Variants in PLA2G12B observed in about 807,000 individuals in gnomAD.
The protein encoded by PLA2G12B is group XIIB secretory phospholipase A2-like protein.
In PLA2G12B, 19 loss-of-function variants were observed where a neutral mutation model predicts 22.3. The ratio of observed to expected loss-of-function variants is 0.85; its 90% CI spans 0.60 to 1.25. The LOEUF (loss-of-function observed/expected upper bound fraction) is 1.25, where lower values mean the gene tolerates loss of function less well. Among genes scored for constraint, PLA2G12B ranks in the 50% most tolerant of loss-of-function variants. PLA2G12B has a pLI of 0.00. For synonymous variants in PLA2G12B, 81 were observed against 94.9 expected (o/e 0.85, Z 0.85); for missense variants, 191 against 246.6 (o/e 0.77, Z 1.51).
intron 1 of PLA2G12B, among the ~76,000 whole-genome samples, chr10:72,949,746 G>T (rs1437540988): frequency 2.0e-5 from 3 of 152,144 alleles, no homozygotes; most frequent in African/African-American, 4.8e-5. Flanking sequence ...AGGAGGCCCA[G>T]CAGGGGGATC....
Position 72,935,831 on chromosome 10 carries a change from A to G in PLA2G12B, c.467-93T>C. 3 of 1,426,566 alleles carry G rather than the reference A, an allele frequency of 2.1e-6. No homozygotes were observed. In the East Asian group the frequency reaches 7.1e-5, roughly 34 times the overall value. 88.4% of individuals were successfully genotyped at this position (1,426,566 alleles called of 1,614,324 possible). A position where few individuals can be genotyped will look rare whatever the true frequency, so the allele number is the denominator to read the frequency against. On this transcript the variant is annotated intron_variant, in intron 3 of 3. Coordinates refer to ENST00000373032, the MANE Select transcript of PLA2G12B (RefSeq NM_032562.5). ...ACATGATACCCAGAGGAAAGTAGAGACAGTAATCCAAATACAGAATTCAAA... is the reference window on the plus strand; with the variant it reads ...ACATGATACCCAGAGGAAAGTAGAGGCAGTAATCCAAATACAGAATTCAAA...
At chr10:72,949,926 GA>G (rs1275241086) in intron 1 of PLA2G12B, among the ~76,000 whole-genome samples, 1 of 152,018 alleles carries the variant, frequency 6.6e-6, no homozygotes, top group South Asian at 2.1e-4. Flanking sequence ...GCAGTGAGCC[GA>G]GATAGTACCA....
chr10:72,939,874 G>C (rs1323272337), intron 3 of PLA2G12B, among the ~76,000 whole-genome samples: 1 of 152,232 alleles, frequency 6.6e-6, no homozygotes, highest in Non-Finnish European at 1.5e-5. Flanking sequence ...GATTTACACA[G>C]GGGGTTGAGA....
chr10:72,942,002 G>T (rs1044727225), intron 2 of PLA2G12B, among the ~76,000 whole-genome samples: 1 of 152,130 alleles, frequency 6.6e-6, no homozygotes, highest in African/African-American at 2.4e-5. Context: ...AATGCCACGT[G>T]TCTGGGTACG....
chr10:72,952,900 AGAAG>A (rs1446904676), intron 1 of PLA2G12B, among the ~76,000 whole-genome samples: 1 of 152,218 alleles, frequency 6.6e-6, no homozygotes, highest in Non-Finnish European at 1.5e-5. Context: ...GTTTTGCTAG[AGAAG>A]GAAGAATAGG....
At chr10:72,940,656 A>G (rs1482891392) in intron 3 of PLA2G12B, among the ~76,000 whole-genome samples, 1 of 152,170 alleles carries the variant, frequency 6.6e-6, no homozygotes, top group African/African-American at 2.4e-5. Context: ...TGGGCAACAG[A>G]GTGAGATTCT....
At chr10:72,942,778 A>G in intron 1 of PLA2G12B, 38 bp from the exon 2 acceptor site, 2 of 1,493,684 alleles carry the variant, frequency 1.3e-6, no homozygotes, top group Non-Finnish European at 1.8e-6. Context: ...AAGAAGAAAT[A>G]TTTAGAAATC....
At chr10:72,940,437 G>A (rs977999980) in intron 3 of PLA2G12B, among the ~76,000 whole-genome samples, 3 of 136,118 alleles carry the variant, frequency 2.2e-5, no homozygotes, top group Non-Finnish European at 4.5e-5. Context: ...CTTGCTGGGC[G>A]CGGTGGCTCA....
At chr10:72,952,942 T>G (rs1001622395) in intron 1 of PLA2G12B, among the ~76,000 whole-genome samples, 37 of 152,238 alleles carry the variant, frequency 2.4e-4, no homozygotes, top group African/African-American at 8.0e-4. Flanking sequence ...CTAATAAAAA[T>G]TCCTGCTGTT....
In PLA2G12B at chr10:72,939,714, T is replaced by A. The variant is rs143748940; in HGVS notation, c.466+1455A>T. The stretch of plus-strand genomic sequence containing the variant: ...TTTTGTAGAATCTACGAAGGGACAG[T>A]TCTGAGCCCACTGAAGCAGGAGTCA... On this transcript the variant is annotated intron_variant, in intron 3 of 3. Coordinates refer to ENST00000373032, the MANE Select transcript of PLA2G12B (RefSeq NM_032562.5). Among the ~76,000 whole-genome samples the A allele has an allele frequency of 8.3e-4, 126 of 152,362 alleles. 1 individual carries two copies. Among genetic ancestry groups the A allele is most frequent in the African/African-American group, 2.6e-3 (108 of 41,590 alleles).
At chr10:72,942,021 C>T (rs191397297) in intron 2 of PLA2G12B, among the ~76,000 whole-genome samples, 7 of 152,232 alleles carry the variant, frequency 4.6e-5, no homozygotes, top group Admixed American at 2.6e-4. Flanking sequence ...CGGTGGCTCA[C>T]GACTGTAATC....
chr10:72,937,214 A>G (rs1846293371), intron 3 of PLA2G12B, among the ~76,000 whole-genome samples: 1 of 152,332 alleles, frequency 6.6e-6, no homozygotes, highest in South Asian at 2.1e-4. Context: ...CATCTCAAAA[A>G]AATAAAAATA....
intron 3 of PLA2G12B, among the ~76,000 whole-genome samples, 185 bp from the exon 4 acceptor site, chr10:72,935,923 A>G (rs1846273881): frequency 6.6e-6 from 1 of 152,188 alleles, no homozygotes. Flanking sequence ...AGCAGAAGAC[A>G]CCTGGAGGTG....
chr10:72,940,357 A>G (rs756875535), intron 3 of PLA2G12B, among the ~76,000 whole-genome samples: 3 of 152,212 alleles, frequency 2.0e-5, no homozygotes, highest in Non-Finnish European at 2.9e-5. Flanking sequence ...TCCTAAGTAA[A>G]TTAGGAAAAA....
rs916063543 is a variant in PLA2G12B, at chr10:72,942,648, A to G, written c.300+4T>C. On this transcript the variant is annotated splice_donor_region_variant and intron_variant, in intron 2 of 3. Transcript: ENST00000373032. ...ACCAAGAAGGTAATGCTGGCAGTACATACACTTTCTGGTACCTTGAGACCC... is the reference window on the plus strand; with the variant it reads ...ACCAAGAAGGTAATGCTGGCAGTACGTACACTTTCTGGTACCTTGAGACCC... The G allele has an allele frequency of 6.3e-7, 1 of 1,597,354 alleles. No homozygotes were observed. The highest frequency in any genetic ancestry group is 1.3e-5 in the African/African-American group (1 of 74,722).
chr10:72,954,701 G>T lies in PLA2G12B; in HGVS notation c.-16C>A. ...CCAGCTTCATCCTGCAGCCAGGTAG[G>T]TACTGGCTTCTCTCCTCAAACCCCA... On this transcript the variant is annotated 5_prime_UTR_variant, in exon 1 of 4. Coordinates refer to ENST00000373032, the MANE Select transcript of PLA2G12B (RefSeq NM_032562.5). The T allele has an allele frequency of 6.2e-7, 1 of 1,612,906 alleles. No homozygotes were observed. Among genetic ancestry groups the T allele is most frequent in the African/African-American group, 1.3e-5 (1 of 75,040 alleles).
At chr10:72,951,117 T>G (rs756429268) in intron 1 of PLA2G12B, among the ~76,000 whole-genome samples, 1 of 152,232 alleles carries the variant, frequency 6.6e-6, no homozygotes, top group South Asian at 2.1e-4. Flanking sequence ...TATATACCAC[T>G]GATTCTTTAT....
chr10:72,937,585 C>G (rs1048456648), intron 3 of PLA2G12B, among the ~76,000 whole-genome samples: 18 of 152,104 alleles, frequency 1.2e-4, no homozygotes, highest in African/African-American at 4.3e-4. Context: ...AAAGACATCA[C>G]AAAAATAACA....
At chr10:72,954,326 T>G in intron 1 of PLA2G12B, 149 bp downstream of exon 1, 1 of 893,390 alleles carries the variant, frequency 1.1e-6, no homozygotes, top group Non-Finnish European at 1.8e-6. Flanking sequence ...GGATTTCACA[T>G]TTCACTGGGT....
Sources: gnomAD v4.1 joint callset for allele counts (sites outside exome capture counted in the v4.1 genomes callset) on GRCh38, gnomAD v4.1.1 for gene constraint, MANE v1.5 for transcripts, NCBI Gene and HGNC (gene_info 2026-07-23, HGNC 2026-07-21) for gene names.